The following RARB variants were observed in gnomAD, a reference collection of about 807,000 sequenced individuals.
RARB encodes the protein HBV-activated protein.
A neutral mutation model predicts 51.9 loss-of-function variants in RARB; 17 were observed. That is an observed-to-expected ratio of 0.33 (90% confidence interval 0.22 to 0.49). The LOEUF is 0.49. Among genes scored for constraint, RARB ranks in the 20% least tolerant of loss-of-function variants. The pLI is 0.99. For synonymous variants in RARB, 215 were observed against 195.4 expected (o/e 1.10, Z -0.84); for missense variants, 369 against 550.8 (o/e 0.67, Z 3.30).
intron 2 of RARB, among the ~76,000 whole-genome samples, chr3:25,042,897 C>T (rs984422987): frequency 6.6e-6 from 1 of 152,226 alleles, no homozygotes; most frequent in African/African-American, 2.4e-5. Flanking sequence ...TTTCTACTCT[C>T]TCCTTTTATA....
At chr3:25,444,650 A>G (rs1392356157) in intron 1 of RARB, among the ~76,000 whole-genome samples, 1 of 152,188 alleles carries the variant, frequency 6.6e-6, no homozygotes, top group Non-Finnish European at 1.5e-5. Context: ...TTTTGCTATT[A>G]TTTTGAACTG....
intron 3 of RARB, 135 bp from the exon 4 acceptor site, chr3:25,569,623 T>C (rs1400268512): frequency 2.4e-5 from 25 of 1,047,592 alleles, no homozygotes; most frequent in Non-Finnish European, 3.3e-5. Context: ...AGGTGTGTTA[T>C]TACCACCTCT....
At chr3:25,301,679 C>T (rs1360125954) in intron 5 of RARB, among the ~76,000 whole-genome samples, 3 of 152,136 alleles carry the variant, frequency 2.0e-5, no homozygotes, top group Non-Finnish European at 4.4e-5. Flanking sequence ...AGAAGCAGGA[C>T]TTAAAGTGCT....
rs1358678413 is a variant in RARB at position 24,869,616 on chromosome 3, T to A, written c.-380+10864T>A. 2.6e-5 allele frequency among the ~76,000 whole-genome samples: 4 copies of A among 152,152 alleles called. No homozygotes were observed. In the East Asian group the frequency reaches 7.7e-4, roughly 29 times the overall value. On this transcript the variant is annotated intron_variant, in intron 2 of 11. Coordinates refer to the RARB transcript ENST00000383772. ...GACAGTTGTATGAATTTCTTTTCAT[T>A]ATTCTTTGGAATTGTGATGTTTAAA...
At chr3:25,490,712 T>C (rs571955878) in intron 2 of RARB, among the ~76,000 whole-genome samples, 2 of 152,078 alleles carry the variant, frequency 1.3e-5, no homozygotes, top group Non-Finnish European at 2.9e-5. Context: ...TTTTTTTCAA[T>C]AAAATAATTG....
intron 2 of RARB, among the ~76,000 whole-genome samples, chr3:24,863,516 G>A (rs1166988115): frequency 6.6e-6 from 1 of 152,098 alleles, no homozygotes; most frequent in African/African-American, 2.4e-5. Flanking sequence ...TTCTCTGTGG[G>A]AAGTCAAAGA....
At chr3:24,961,077 G>C (rs1173854402) in intron 2 of RARB, among the ~76,000 whole-genome samples, 4 of 152,212 alleles carry the variant, frequency 2.6e-5, no homozygotes, top group Non-Finnish European at 5.9e-5. Flanking sequence ...TAAGAGACTT[G>C]AGAAAGCATT....
At chr3:25,586,180 C>T (rs1167277065) in intron 5 of RARB, among the ~76,000 whole-genome samples, 1 of 152,108 alleles carries the variant, frequency 6.6e-6, no homozygotes, top group Non-Finnish European at 1.5e-5. Flanking sequence ...AGGTTACCCA[C>T]CCTCTTCTCC....
At chr3:25,202,678 T>G (rs1408875074) in intron 5 of RARB, among the ~76,000 whole-genome samples, 1 of 152,234 alleles carries the variant, frequency 6.6e-6, no homozygotes, top group African/African-American at 2.4e-5. Flanking sequence ...ATTTCTGCCT[T>G]CATTTTGTTA....
At chr3:24,893,871 A>G (rs964167568) in intron 2 of RARB, among the ~76,000 whole-genome samples, 2 of 152,132 alleles carry the variant, frequency 1.3e-5, no homozygotes, top group Admixed American at 6.5e-5. Context: ...TCTAGGAGGA[A>G]TGTTTGTAAC....
At chr3:25,499,026 T>G (rs1222332715) in intron 2 of RARB, among the ~76,000 whole-genome samples, 1 of 152,230 alleles carries the variant, frequency 6.6e-6, no homozygotes, top group Non-Finnish European at 1.5e-5. Flanking sequence ...AAAATGTGTG[T>G]GTCTGGGATA....
intron 5 of RARB, among the ~76,000 whole-genome samples, chr3:25,350,510 C>T (rs1478430589): frequency 3.9e-5 from 6 of 152,206 alleles, no homozygotes; most frequent in Admixed American, 3.3e-4. Context: ...CTTCTAGCTA[C>T]TTTATCTCCC....
intron 5 of RARB, among the ~76,000 whole-genome samples, chr3:25,378,133 T>A (rs1014303823): frequency 8.5e-5 from 13 of 152,170 alleles, no homozygotes; most frequent in African/African-American, 3.1e-4. Context: ...ACAATTAAAA[T>A]GAACCTTATT....
chr3:25,095,320 A>G lies in RARB; in HGVS notation c.-328+35144A>G, dbSNP rs1290906362. Among the ~76,000 whole-genome samples, 3 of 152,206 alleles carry G rather than the reference A, an allele frequency of 2.0e-5. No homozygotes were observed. The East Asian group carries it at 5.8e-4, about 29-fold the overall frequency. On this transcript the variant is annotated intron_variant, in intron 3 of 11. Transcript: ENST00000383772. ...AATAGGTTTGGGATTGGTTTACAGC[A>G]GTGGTTTTCAAAGTATGATCCCTGG...
chr3:25,336,136 T>G (rs34383238), intron 5 of RARB, among the ~76,000 whole-genome samples: 1 of 151,264 alleles, frequency 6.6e-6, no homozygotes, highest in Non-Finnish European at 1.5e-5. Flanking sequence ...AATTATGTAT[T>G]CCATATGATC....
At chr3:25,256,700 C>T (rs987843584) in intron 5 of RARB, among the ~76,000 whole-genome samples, 15 of 151,858 alleles carry the variant, frequency 9.9e-5, no homozygotes, top group Non-Finnish European at 1.9e-4. Context: ...TGAAATTCTA[C>T]GTAATCAGTG....
intron 5 of RARB, among the ~76,000 whole-genome samples, chr3:25,397,415 C>T (rs1707146316): frequency 6.6e-6 from 1 of 152,164 alleles, no homozygotes; most frequent in Non-Finnish European, 1.5e-5. Flanking sequence ...AGTGGCAAGC[C>T]ACTTCCTTCA....
rs55731301 is a variant in RARB, at chr3:25,557,137, TCACACACACA to T, written c.449-12594_449-12585del. 3.5e-3 allele frequency among the ~76,000 whole-genome samples: 504 copies of T among 145,442 alleles called. 3 individuals are homozygous for T. The highest frequency in any genetic ancestry group is 0.012 in the African/African-American group (462 of 38,648). ...GTTTTGCTTCCACATGGCATTGCAT[TCACACACACA>T]CACACACACACACACACACACACAC... On this transcript the variant is annotated intron_variant, in intron 3 of 7. Coordinates refer to ENST00000330688, the MANE Select transcript of RARB (RefSeq NM_000965.5).
At chr3:25,336,308 AAATAAGT>A (rs1705061610) in intron 5 of RARB, among the ~76,000 whole-genome samples, 1 of 152,248 alleles carries the variant, frequency 6.6e-6, no homozygotes, top group Non-Finnish European at 1.5e-5. Context: ...CATGCTTTAA[AAATAAGT>A]AATAATAGCC....
Sources: gnomAD v4.1 joint callset for allele counts (sites outside exome capture counted in the v4.1 genomes callset) on GRCh38, gnomAD v4.1.1 for gene constraint, MANE v1.5 for transcripts, NCBI Gene and HGNC (gene_info 2026-07-23, HGNC 2026-07-21) for gene names.